GRM7: variants seen among roughly 807,000 people sequenced by gnomAD.
GRM7 encodes the protein glutamate metabotropic receptor 7.
A neutral mutation model predicts 84.5 loss-of-function variants in GRM7; 35 were observed. The observed-to-expected ratio is 0.41, with a 90% CI of 0.32 to 0.55. GRM7 has a LOEUF of 0.55. GRM7 is among the 20% of genes least tolerant of loss of function. The probability of loss-of-function intolerance (pLI) is 0.19; values close to 1 mark genes in which losing one functional copy is unlikely to be tolerated. For missense variants in GRM7, 1,003 were observed against 1,194.6 expected, an observed-to-expected ratio of 0.84 and a Z score of 2.36; for synonymous variants, 487 against 455.1, an observed-to-expected ratio of 1.07 and a Z score of -0.89.
intron 1 of GRM7, among the ~76,000 whole-genome samples, chr3:6,944,080 G>T (rs2125060127): frequency 6.6e-6 from 1 of 151,676 alleles, no homozygotes; most frequent in Non-Finnish European, 1.5e-5. Flanking sequence ...CTTTTTTTGT[G>T]AATTCCACCT....
intron 1 of GRM7, among the ~76,000 whole-genome samples, chr3:7,016,557 G>C (rs1390876872): frequency 1.3e-5 from 2 of 152,152 alleles, no homozygotes; most frequent in African/African-American, 4.8e-5. Context: ...CTCAGACAAG[G>C]CAAGTGTAAG....
At chr3:7,184,295 C>T (rs1391954354) in intron 2 of GRM7, among the ~76,000 whole-genome samples, 2 of 152,072 alleles carry the variant, frequency 1.3e-5, no homozygotes, top group Non-Finnish European at 2.9e-5. Flanking sequence ...CTAGACATTG[C>T]CCCTACTGTG....
At chr3:7,508,893 C>A (rs758759351) in intron 7 of GRM7, among the ~76,000 whole-genome samples, 1 of 152,092 alleles carries the variant, frequency 6.6e-6, no homozygotes, top group Non-Finnish European at 1.5e-5. Context: ...CATTGGCAAG[C>A]GAAGACTAGA....
At chr3:7,128,180 A>G (rs1010670558) in intron 1 of GRM7, among the ~76,000 whole-genome samples, 3 of 151,880 alleles carry the variant, frequency 2.0e-5, no homozygotes, top group African/African-American at 7.2e-5. Flanking sequence ...TCCAGAGTCC[A>G]TTTAAAATTT....
Position 7,415,056 on chromosome 3 carries a change from A to T in GRM7, c.1067A>T (p.Glu356Val). 2.5e-6 allele frequency: 4 copies of T among 1,613,130 alleles called. No homozygotes were observed. The highest frequency in any genetic ancestry group is 3.4e-6 in the Non-Finnish European group (4 of 1,179,232). ...GCCTACTTTACGTCCCGTACACTTG[A>T]AAACAACAGAAGAAATGTATGGTTT... ...FDAYFTSRTLENNRRNVWFAE... is the reference protein window; with the variant it reads ...FDAYFTSRTLVNNRRNVWFAE... Residue 356 changes from glutamate (E) to valine (V), a missense_variant, in exon 5 of 10, where the codon GAA becomes GTA. Glu to Val is a moderately radical substitution (Grantham distance 121). This residue lies in a region of GRM7 where 910 missense variants were observed against 1,126.0 expected (regional missense o/e 0.81). Coordinates refer to ENST00000357716, the MANE Select transcript of GRM7 (RefSeq NM_000844.4).
At chr3:6,977,886 T>C (rs1156790899) in intron 1 of GRM7, among the ~76,000 whole-genome samples, 1 of 152,144 alleles carries the variant, frequency 6.6e-6, no homozygotes, top group Admixed American at 6.6e-5. Flanking sequence ...AACGTTTCCC[T>C]AAAAATGAAC....
rs565788938 is a variant in GRM7, at chr3:7,284,205, G to A, written c.737-14479G>A. Among the ~76,000 whole-genome samples the A allele has an allele frequency of 9.9e-5, 15 of 152,172 alleles. No homozygotes were observed. In the South Asian group the frequency reaches 1.0e-3, roughly 11 times the overall value. On this transcript the variant is annotated intron_variant, in intron 2 of 9. Coordinates refer to ENST00000357716, the MANE Select transcript of GRM7 (RefSeq NM_000844.4). ...AATACTCATAATCACAGATACATGT[G>A]TAGTTACAAATGCTGATTACCAAAG...
chr3:7,096,884 T>C (rs1174766545), intron 1 of GRM7, among the ~76,000 whole-genome samples: 1 of 152,182 alleles, frequency 6.6e-6, no homozygotes, highest in Non-Finnish European at 1.5e-5. Context: ...TATTATGCTA[T>C]AGATACTCTT....
At chr3:6,960,819 TGGGGG>T (rs1693269739) in intron 1 of GRM7, among the ~76,000 whole-genome samples, 1 of 152,130 alleles carries the variant, frequency 6.6e-6, no homozygotes, top group South Asian at 2.1e-4. Context: ...TGGTGGGGCC[TGGGGG>T]TTGGATGTCA....
chr3:7,323,786 A>G (rs1308210795), intron 4 of GRM7, among the ~76,000 whole-genome samples: 2 of 152,218 alleles, frequency 1.3e-5, no homozygotes, highest in African/African-American at 4.8e-5. Flanking sequence ...CAACAATGAC[A>G]GTAGTGAACT....
rs573244929 is a variant in GRM7 at position 7,361,741 on chromosome 3, C to A, written c.1034-53282C>A. On this transcript the variant is annotated intron_variant, in intron 4 of 9. Coordinates refer to ENST00000357716, the MANE Select transcript of GRM7 (RefSeq NM_000844.4). ...TCACAGAAGTGAGAGAAAAACTCCA[C>A]AAAGACAGAAAGTGAAGCAGCTCTT... Among the ~76,000 whole-genome samples, 3 of 152,168 alleles carry A rather than the reference C, an allele frequency of 2.0e-5. No homozygotes were observed. In the South Asian group the frequency reaches 6.2e-4, roughly 32 times the overall value.
chr3:6,987,399 CAA>C (rs55694959), intron 1 of GRM7, among the ~76,000 whole-genome samples: 48 of 128,990 alleles, frequency 3.7e-4, no homozygotes, highest in African/African-American at 1.2e-3. Flanking sequence ...TGCTGAAGGA[CAA>C]AAAAAAAAAA....
chr3:7,730,138 G>A (rs952098682), intron 9 of GRM7, among the ~76,000 whole-genome samples: 8 of 149,382 alleles, frequency 5.4e-5, no homozygotes, highest in Admixed American at 5.3e-4. Context: ...CTCCCAAAGT[G>A]CTGGGATTAC....
chr3:6,889,146 T>C (rs1695828099), intron 1 of GRM7, among the ~76,000 whole-genome samples: 1 of 152,008 alleles, frequency 6.6e-6, no homozygotes, highest in African/African-American at 2.4e-5. Context: ...GACAATGGGG[T>C]TTTCTAGATA....
At chr3:7,638,197 C>G (rs1698189125) in intron 8 of GRM7, among the ~76,000 whole-genome samples, 1 of 151,756 alleles carries the variant, frequency 6.6e-6, no homozygotes, top group South Asian at 2.1e-4. Context: ...ATAAATTAAT[C>G]TTTGCAAAGA....
chr3:7,016,707 C>A (rs1363835274), intron 1 of GRM7, among the ~76,000 whole-genome samples: 1 of 152,236 alleles, frequency 6.6e-6, no homozygotes, highest in East Asian at 1.9e-4. Context: ...AATAAAACCA[C>A]CTTTATTAAA....
At chr3:7,561,713 A>C (rs1045550238) in intron 7 of GRM7, 1 of 356,604 alleles carries the variant, frequency 2.8e-6, no homozygotes, top group South Asian at 2.2e-5. Flanking sequence ...AATGCAAAAA[A>C]ATAAGCAGAT....
chr3:7,370,332 G>T (rs1275752778), intron 4 of GRM7, among the ~76,000 whole-genome samples: 1 of 152,076 alleles, frequency 6.6e-6, no homozygotes, highest in East Asian at 1.9e-4. Flanking sequence ...AGGCTTGGAT[G>T]ATATGGATCC....
chr3:6,998,138 A>AAAAAAAAAAAAAAAAAAAAAAAAAAAC (rs1559375375), intron 1 of GRM7, among the ~76,000 whole-genome samples: 1 of 148,448 alleles, frequency 6.7e-6, no homozygotes, highest in Non-Finnish European at 1.5e-5. Context: ...AAAAAAAAAA[A>AAAAAAAAAAAAAAAAAAAAAAAAAAAC]AGCAGGTTAG....
Sources: allele counts gnomAD v4.1 joint callset (sites outside exome capture counted in the v4.1 genomes callset), GRCh38; gene constraint gnomAD v4.1.1; regional missense constraint gnomAD v4.1.1; transcripts MANE v1.5; gene names NCBI Gene and HGNC (gene_info 2026-07-23, HGNC 2026-07-21).